The following PTPRD variants were observed in gnomAD, a reference collection of about 807,000 sequenced individuals.
PTPRD encodes the protein receptor-type tyrosine-protein phosphatase delta.
A neutral mutation model predicts 214.5 loss-of-function variants in PTPRD; 34 were observed. That is an observed-to-expected ratio of 0.16 (90% CI 0.12 to 0.21). The LOEUF (loss-of-function observed/expected upper bound fraction) is 0.21. Ranked by LOEUF, PTPRD falls within the 10% of genes least tolerant of loss-of-function variation. PTPRD has a pLI of 1.00. For missense variants in PTPRD, 2,545 were observed against 2,398.7 expected, an observed-to-expected ratio of 1.06 and a Z score of -1.27; for synonymous variants, 1,128 against 845.7, an observed-to-expected ratio of 1.33 and a Z score of -5.79.
At chr9:10,357,486 A>G (rs1274276171) in intron 2 of PTPRD, among the ~76,000 whole-genome samples, 1 of 152,234 alleles carries the variant, frequency 6.6e-6, no homozygotes, top group Admixed American at 6.5e-5. Flanking sequence ...AAATGGAATA[A>G]GATTAGCATT....
At chr9:8,787,187 C>T (rs1168065629) in intron 11 of PTPRD, among the ~76,000 whole-genome samples, 1 of 152,154 alleles carries the variant, frequency 6.6e-6, no homozygotes, top group Non-Finnish European at 1.5e-5. Context: ...ATTGCTATTG[C>T]ATCCTTTTCC....
chr9:8,637,059 G>C (rs2096459146), intron 12 of PTPRD, among the ~76,000 whole-genome samples: 3 of 152,240 alleles, frequency 2.0e-5, no homozygotes, highest in Admixed American at 6.5e-5. Context: ...TTATCTATTA[G>C]TGCTTTTATT....
At chr9:9,664,994 A>T (rs2096689903) in intron 7 of PTPRD, among the ~76,000 whole-genome samples, 2 of 151,716 alleles carry the variant, frequency 1.3e-5, no homozygotes, top group Admixed American at 6.6e-5. Flanking sequence ...ACCAGCCTTC[A>T]TACTCATATT....
In PTPRD at chr9:9,280,401, C is replaced by G. The variant is rs116144898; in HGVS notation, c.-202-97038G>C. ...ATCCAAAATAATCTACAAAAAAACT[C>G]TTCCTGAAACCAGTAAGTGATTATT... On this transcript the variant is annotated intron_variant, in intron 9 of 45. Transcript: ENST00000381196. 4.3e-3 allele frequency among the ~76,000 whole-genome samples: 646 copies of G among 151,218 alleles called. 8 individuals are homozygous for G. The highest frequency in any genetic ancestry group is 0.015 in the African/African-American group (634 of 41,404).
chr9:8,950,605 A>G (rs1374066172), intron 11 of PTPRD, among the ~76,000 whole-genome samples: 1 of 152,178 alleles, frequency 6.6e-6, no homozygotes, highest in East Asian at 1.9e-4. Context: ...GTATACAATA[A>G]TATATAGGAC....
At chr9:8,983,460 A>C (rs1170488379) in intron 11 of PTPRD, among the ~76,000 whole-genome samples, 1 of 151,982 alleles carries the variant, frequency 6.6e-6, no homozygotes, top group African/African-American at 2.4e-5. Flanking sequence ...TTTTCTCTTA[A>C]GTGACTTTTT....
chr9:9,683,868 C>T (rs1043261093), intron 7 of PTPRD, among the ~76,000 whole-genome samples: 22 of 151,614 alleles, frequency 1.5e-4, no homozygotes, highest in Admixed American at 1.3e-4. Context: ...TAAGTTAGTT[C>T]GGGTTCTAAC....
intron 11 of PTPRD, among the ~76,000 whole-genome samples, chr9:8,834,986 C>T (rs2097382847): frequency 6.6e-6 from 1 of 152,158 alleles, no homozygotes; most frequent in Non-Finnish European, 1.5e-5. Flanking sequence ...AAGAGGTTGG[C>T]ATGACTGAAC....
intron 37 of PTPRD, among the ~76,000 whole-genome samples, chr9:8,388,351 T>A (rs1427275976): frequency 6.6e-6 from 1 of 152,196 alleles, no homozygotes; most frequent in Non-Finnish European, 1.5e-5. Flanking sequence ...ATAACCACAG[T>A]AAAAGAGGCC....
intron 4 of PTPRD, among the ~76,000 whole-genome samples, chr9:9,984,870 C>T (rs1450733565): frequency 6.6e-6 from 1 of 152,096 alleles, no homozygotes. Flanking sequence ...AGTGTCCTCA[C>T]TCTCACACTC....
chr9:8,334,300 A>T (rs990220992), intron 43 of PTPRD, among the ~76,000 whole-genome samples: 3 of 152,106 alleles, frequency 2.0e-5, no homozygotes, highest in Admixed American at 1.3e-4. Context: ...CTCCTCAGCA[A>T]ATGCAAAAGA....
intron 9 of PTPRD, among the ~76,000 whole-genome samples, chr9:9,301,116 C>T (rs12380457): frequency 6.6e-6 from 1 of 151,598 alleles, no homozygotes; most frequent in Non-Finnish European, 1.5e-5. Context: ...GATTAATTAA[C>T]CTTTTATTAT....
chr9:9,424,308 G>A (rs2079992266), intron 8 of PTPRD, among the ~76,000 whole-genome samples: 1 of 152,156 alleles, frequency 6.6e-6, no homozygotes, highest in Non-Finnish European at 1.5e-5. Context: ...TATTTCCTGG[G>A]AAACTAAGAC....
intron 9 of PTPRD, among the ~76,000 whole-genome samples, chr9:9,196,053 A>T (rs999163289): frequency 6.6e-6 from 1 of 152,312 alleles, no homozygotes; most frequent in South Asian, 2.1e-4. Context: ...GGAGGCCAAG[A>T]TTCTAGCCCA....
chr9:9,970,725 G>C (rs1375786484), intron 4 of PTPRD, among the ~76,000 whole-genome samples: 1 of 152,138 alleles, frequency 6.6e-6, no homozygotes, highest in Non-Finnish European at 1.5e-5. Context: ...GTCCTGGTCA[G>C]ATTCAATAGC....
At chr9:9,111,185 G>T (rs942566458) in intron 10 of PTPRD, among the ~76,000 whole-genome samples, 1 of 139,232 alleles carries the variant, frequency 7.2e-6, no homozygotes, top group East Asian at 2.1e-4. Flanking sequence ...AGTTTCAAAG[G>T]ATAAATAGAA....
At chr9:10,464,191 A>T (rs777296179) in intron 2 of PTPRD, among the ~76,000 whole-genome samples, 19 of 152,146 alleles carry the variant, frequency 1.2e-4, no homozygotes, top group Non-Finnish European at 2.4e-4. Context: ...TGAGGTCAGG[A>T]GTTTCAGACC....
At chr9:9,718,300 T>C (rs2097869043) in intron 7 of PTPRD, among the ~76,000 whole-genome samples, 1 of 152,190 alleles carries the variant, frequency 6.6e-6, no homozygotes, top group Non-Finnish European at 1.5e-5. Context: ...TTCATCTCTA[T>C]ATGAAATTGT....
chr9:9,872,915 T>C (rs2065874520), intron 5 of PTPRD, among the ~76,000 whole-genome samples: 1 of 152,142 alleles, frequency 6.6e-6, no homozygotes, highest in African/African-American at 2.4e-5. Context: ...AGGGCCTGAT[T>C]AATATTTATT....
Sources: gnomAD v4.1 joint callset for allele counts (sites outside exome capture counted in the v4.1 genomes callset) on GRCh38, gnomAD v4.1.1 for gene constraint, MANE v1.5 for transcripts, NCBI Gene and HGNC (gene_info 2026-07-23, HGNC 2026-07-21) for gene names.